PLEKHA7: variants seen among roughly 807,000 people sequenced by gnomAD.
PLEKHA7 encodes pleckstrin homology domain containing A7.
Under a neutral mutation model 170.0 loss-of-function variants are expected in PLEKHA7, and 104 were observed. The ratio of observed to expected loss-of-function variants is 0.61; its 90% CI spans 0.52 to 0.72. PLEKHA7 has a LOEUF of 0.72. Ranked by LOEUF, PLEKHA7 falls within the 30% of genes least tolerant of loss-of-function variation. PLEKHA7 has a pLI of 0.00. For synonymous variants in PLEKHA7, 648 were observed against 660.8 expected (o/e 0.98, Z 0.30); for missense variants, 1,615 against 1,671.7 (o/e 0.97, Z 0.59).
chr11:16,972,622 T>C (rs576735412), intron 3 of PLEKHA7, among the ~76,000 whole-genome samples: 10 of 152,040 alleles, frequency 6.6e-5, no homozygotes, highest in African/African-American at 2.4e-4. Context: ...GGTCTTCCTG[T>C]GTCACCTAGG....
chr11:16,955,627 G>A lies in PLEKHA7; in HGVS notation c.221+58362C>T, dbSNP rs1194378446. Among the ~76,000 whole-genome samples the A allele has an allele frequency of 2.0e-5, 3 of 152,270 alleles. No individual in the cohort carries two copies. The East Asian group carries it at 5.8e-4, about 29-fold the overall frequency. ...TCGATGAAGCTTAAAGAAAATAACT[G>A]CTTAGATGGAGCTCTAAGTTTTTAT... On this transcript the variant is annotated intron_variant, in intron 3 of 26. Coordinates refer to ENST00000531066, the MANE Select transcript of PLEKHA7 (RefSeq NM_001329630.2).
intron 3 of PLEKHA7, among the ~76,000 whole-genome samples, chr11:16,960,566 G>A (rs1861995410): frequency 6.6e-6 from 1 of 152,094 alleles, no homozygotes; most frequent in African/African-American, 2.4e-5. Context: ...TCCCTCATCT[G>A]TGACCTTCCC....
chr11:16,967,963 G>A (rs1186371652), intron 3 of PLEKHA7, among the ~76,000 whole-genome samples: 1 of 152,162 alleles, frequency 6.6e-6, no homozygotes, highest in Non-Finnish European at 1.5e-5. Context: ...CCCTTGGCAT[G>A]GAAAGAGGGG....
At chr11:16,925,040 G>T (rs1308722849) in intron 3 of PLEKHA7, among the ~76,000 whole-genome samples, 1 of 152,188 alleles carries the variant, frequency 6.6e-6, no homozygotes, top group Non-Finnish European at 1.5e-5. Flanking sequence ...GGCAAGTGTG[G>T]GTGTAGAGGA....
chr11:16,861,363 TAA>T (rs11362528), intron 4 of PLEKHA7, among the ~76,000 whole-genome samples: 755 of 144,882 alleles, frequency 5.2e-3, no homozygotes, highest in Middle Eastern at 6.9e-3. Context: ...CTATTAAAAT[TAA>T]AAAAAAAAAA....
intron 3 of PLEKHA7, among the ~76,000 whole-genome samples, chr11:16,953,371 T>C (rs1861518856): frequency 6.6e-6 from 1 of 152,230 alleles, no homozygotes; most frequent in Non-Finnish European, 1.5e-5. Flanking sequence ...AGAAAGTTCT[T>C]TTGTGAATCC....
chr11:16,878,010 G>A (rs557372813), intron 3 of PLEKHA7, among the ~76,000 whole-genome samples: 2 of 152,264 alleles, frequency 1.3e-5, no homozygotes, highest in South Asian at 4.2e-4. Flanking sequence ...TTTTAACAGG[G>A]CAAGAATAGA....
chr11:16,968,567 C>T (rs761982731), intron 3 of PLEKHA7, among the ~76,000 whole-genome samples: 7 of 152,244 alleles, frequency 4.6e-5, no homozygotes, highest in Non-Finnish European at 7.3e-5. Context: ...ATGCAACATA[C>T]TGCCAGAATT....
At chr11:16,970,582 G>T (rs1590749450) in intron 3 of PLEKHA7, among the ~76,000 whole-genome samples, 2 of 152,130 alleles carry the variant, frequency 1.3e-5, no homozygotes, top group South Asian at 4.2e-4. Context: ...CAGGAAGATC[G>T]CTTGAGCCCA....
At chr11:16,918,429 T>A (rs897952216) in intron 3 of PLEKHA7, among the ~76,000 whole-genome samples, 1 of 152,192 alleles carries the variant, frequency 6.6e-6, no homozygotes, top group South Asian at 2.1e-4. Flanking sequence ...AAGGGGCAAC[T>A]GAAGCAGCCC....
intron 7 of PLEKHA7, among the ~76,000 whole-genome samples, chr11:16,851,525 T>C (rs1359029880): frequency 6.6e-6 from 1 of 152,186 alleles, no homozygotes; most frequent in Non-Finnish European, 1.5e-5. Context: ...CTCGGCTCAC[T>C]GCAACCTCTG....
At chr11:16,902,488 C>T (rs1358131418) in intron 3 of PLEKHA7, among the ~76,000 whole-genome samples, 3 of 152,188 alleles carry the variant, frequency 2.0e-5, no homozygotes, top group Non-Finnish European at 2.9e-5. Flanking sequence ...CTTCTCTACG[C>T]CCTCACCAGC....
At chr11:16,910,521 G>A (rs553412734) in intron 3 of PLEKHA7, among the ~76,000 whole-genome samples, 8 of 152,308 alleles carry the variant, frequency 5.3e-5, no homozygotes, top group African/African-American at 1.9e-4. Flanking sequence ...AAAAATAAAT[G>A]TCATGGGATA....
chr11:16,925,367 C>T (rs1859437818), intron 3 of PLEKHA7, among the ~76,000 whole-genome samples: 1 of 152,234 alleles, frequency 6.6e-6, no homozygotes, highest in Non-Finnish European at 1.5e-5. Flanking sequence ...ACTCCAGCGG[C>T]CAGCTACGGC....
intron 13 of PLEKHA7, among the ~76,000 whole-genome samples, chr11:16,806,285 G>C (rs929342378): frequency 6.6e-6 from 1 of 152,248 alleles, no homozygotes; most frequent in African/African-American, 2.4e-5. Context: ...GCTCCAGACA[G>C]CCGAGGCTGC....
At chr11:16,903,400 C>T (rs532094247) in intron 3 of PLEKHA7, among the ~76,000 whole-genome samples, 3 of 152,276 alleles carry the variant, frequency 2.0e-5, no homozygotes, top group African/African-American at 7.2e-5. Context: ...GAATGAGGAT[C>T]CCCTCATCCA....
At chr11:16,812,334 C>T (rs1849426463) in intron 13 of PLEKHA7, 1 of 152,264 alleles carries the variant, frequency 6.6e-6, no homozygotes, top group South Asian at 2.1e-4. Flanking sequence ...GCCAGGTACA[C>T]TGGAGACTGT....
At chr11:16,866,051 G>A (rs1854365883) in intron 4 of PLEKHA7, among the ~76,000 whole-genome samples, 1 of 151,526 alleles carries the variant, frequency 6.6e-6, no homozygotes, top group Admixed American at 6.6e-5. Flanking sequence ...GTTAGGCAGG[G>A]TGGTCTCGAT....
chr11:16,857,432 G>C (rs187435978), intron 4 of PLEKHA7, among the ~76,000 whole-genome samples: 1 of 152,250 alleles, frequency 6.6e-6, no homozygotes, highest in East Asian at 1.9e-4. Flanking sequence ...CACTGGGAGG[G>C]AGAATGTCAC....
Sources: allele counts gnomAD v4.1 joint callset (sites outside exome capture counted in the v4.1 genomes callset), GRCh38; gene constraint gnomAD v4.1.1; transcripts MANE v1.5; gene names NCBI Gene and HGNC (gene_info 2026-07-23, HGNC 2026-07-21).